FLT3: variants seen among roughly 807,000 people sequenced by gnomAD.
FLT3 encodes the protein receptor-type tyrosine-protein kinase FLT3.
In FLT3, 46 loss-of-function variants were observed where a neutral mutation model predicts 126.6. The observed-to-expected ratio is 0.36, with a 90% CI of 0.29 to 0.46. The LOEUF (loss-of-function observed/expected upper bound fraction) is 0.46, where lower values mean the gene tolerates loss of function less well. FLT3 is among the 20% of genes least tolerant of loss of function. FLT3 has a pLI of 1.00. For synonymous variants in FLT3, 404 were observed against 434.4 expected, an observed-to-expected ratio of 0.93 and a Z score of 0.87; for missense variants, 1,069 against 1,190.3, an observed-to-expected ratio of 0.90 and a Z score of 1.50.
At chr13:28,014,270 CAATAAATA>C (rs201189605) in intron 23 of FLT3, among the ~76,000 whole-genome samples, 174 bp downstream of exon 23, 15 of 151,958 alleles carry the variant, frequency 9.9e-5, no homozygotes, top group East Asian at 1.9e-4. Flanking sequence ...GACCCTGTCT[CAATAAATA>C]AATAAATAAA....
chr13:28,044,075 G>A (rs1384452122), intron 9 of FLT3, among the ~76,000 whole-genome samples: 1 of 151,376 alleles, frequency 6.6e-6, no homozygotes, highest in Non-Finnish European at 1.5e-5. Flanking sequence ...TCCGCCAGGA[G>A]GAGGAGGTTG....
chr13:28,076,726 G>A (rs765610775), intron 1 of FLT3, among the ~76,000 whole-genome samples: 2 of 152,108 alleles, frequency 1.3e-5, no homozygotes, highest in Admixed American at 6.6e-5. Flanking sequence ...CCAGGAATTC[G>A]AGACCAGCCT....
At chr13:28,098,580 C>G (rs1879624126) in intron 1 of FLT3, among the ~76,000 whole-genome samples, 1 of 152,144 alleles carries the variant, frequency 6.6e-6, no homozygotes, top group Non-Finnish European at 1.5e-5. Flanking sequence ...CAAACCTGAA[C>G]ATATCCCTTC....
chr13:28,045,080 T>C (rs929927890), intron 9 of FLT3, among the ~76,000 whole-genome samples: 2 of 152,172 alleles, frequency 1.3e-5, no homozygotes, highest in Non-Finnish European at 2.9e-5. Flanking sequence ...AATTCATTCA[T>C]TTGGCTACCT....
At chr13:28,016,148 T>C (rs573657787) in intron 20 of FLT3, among the ~76,000 whole-genome samples, 86 of 152,336 alleles carry the variant, frequency 5.6e-4, no homozygotes, top group Admixed American at 5.3e-3. Context: ...GATACCAGTC[T>C]GGCTTCTGTG....
At position 28,033,880 on chromosome 13, in the gene FLT3, A is replaced by G; in HGVS notation, c.1942+7T>C. ...ATCTTTGTTGCTGTCCTTCCACTAT[A>G]CTGTACCTTTCAGCATTTTGACGGC... On this transcript the variant is annotated splice_region_variant and intron_variant, in intron 15 of 23. Transcript: ENST00000241453. 1.2e-6 allele frequency: 2 copies of G among 1,607,832 alleles called. No homozygotes were observed. The highest frequency in any genetic ancestry group is 4.5e-5 in the East Asian group (2 of 44,850).
intron 23 of FLT3, among the ~76,000 whole-genome samples, chr13:28,005,547 A>G (rs187919274): frequency 3.3e-5 from 5 of 152,076 alleles, no homozygotes; most frequent in African/African-American, 1.2e-4. Flanking sequence ...TTTTCACGGC[A>G]GCCTAGAGTT....
rs1320536 is a variant in FLT3, at chr13:28,050,595, T to G, written c.615-373A>C. Among the ~76,000 whole-genome samples, 1,018 of 152,236 alleles carry G rather than the reference T, an allele frequency of 6.7e-3. 48 individuals are homozygous for G. The highest frequency in any genetic ancestry group is 0.064 in the Admixed American group (972 of 15,288). Reference sequence around the variant, plus strand: ...GAGAAAAAGCATGATTGGGCTTTCATGAAGTTTAGCAAGGTAAGCATCCTT... The same window carrying G: ...GAGAAAAAGCATGATTGGGCTTTCAGGAAGTTTAGCAAGGTAAGCATCCTT... On this transcript the variant is annotated intron_variant, in intron 5 of 23. Transcript: ENST00000241453.
intron 23 of FLT3, among the ~76,000 whole-genome samples, chr13:28,006,307 TGTG>T (rs1292241033): frequency 5.1e-5 from 1 of 19,692 alleles, no homozygotes; most frequent in Non-Finnish European, 1.0e-4. Context: ...TCTAGAAAAT[TGTG>T]TGTGTGTGTG....
intron 15 of FLT3, among the ~76,000 whole-genome samples, chr13:28,028,938 T>C (rs1003027150): frequency 1.3e-5 from 2 of 151,542 alleles, no homozygotes; most frequent in Non-Finnish European, 2.9e-5. Context: ...CAGGCCATCA[T>C]GCCCAGCTAA....
rs71086821 is a variant in FLT3, at chr13:28,060,240, C to CAA, written c.368+1625_368+1626dup. ...TGAAACCCTGTCTCTACTAAAAATA[C>CAA]AAAAAAAAAAAAAAAAATGAAAACA... On this transcript the variant is annotated intron_variant, in intron 3 of 23. Coordinates refer to ENST00000241453, the MANE Select transcript of FLT3 (RefSeq NM_004119.3). 1.9e-3 allele frequency among the ~76,000 whole-genome samples: 211 copies of CAA among 113,046 alleles called. 1 individual carries two copies. Among genetic ancestry groups the CAA allele is most frequent in the Middle Eastern group, 5.0e-3 (1 of 202 alleles). 74.2% of individuals were successfully genotyped at this position (113,046 alleles called of 152,430 possible).
intron 6 of FLT3, 65 bp from the exon 7 acceptor site, chr13:28,049,839 C>T (rs1875276559): frequency 6.6e-7 from 1 of 1,522,194 alleles, no homozygotes; most frequent in African/African-American, 1.4e-5. Flanking sequence ...CAAAAGATAT[C>T]CTGAACATTC....
intron 23 of FLT3, among the ~76,000 whole-genome samples, chr13:28,007,356 CTT>C (rs1481958250): frequency 6.6e-6 from 1 of 152,160 alleles, no homozygotes; most frequent in Non-Finnish European, 1.5e-5. Context: ...AAGTGATTCT[CTT>C]GTCTCAGCCT....
intron 9 of FLT3, among the ~76,000 whole-genome samples, chr13:28,044,840 C>T (rs1183639410): frequency 1.3e-5 from 2 of 152,204 alleles, no homozygotes; most frequent in East Asian, 1.9e-4. Flanking sequence ...GTCGACTCAT[C>T]TTTGGCCCAG....
At chr13:28,082,467 AT>A (rs1253831495) in intron 1 of FLT3, among the ~76,000 whole-genome samples, 2 of 150,640 alleles carry the variant, frequency 1.3e-5, no homozygotes, top group East Asian at 4.0e-4. Context: ...CTAGTCTTTT[AT>A]TTTTTGTTTT....
At chr13:28,088,584 C>CTTTTTTT (rs34680883) in intron 1 of FLT3, among the ~76,000 whole-genome samples, 2 of 103,358 alleles carry the variant, frequency 1.9e-5, no homozygotes, top group Non-Finnish European at 3.6e-5. Flanking sequence ...CATCCAAAAC[C>CTTTTTTT]TTTTTTTTTT....
Position 28,096,245 on chromosome 13 carries a change from T to A in FLT3, c.43+4223A>T, listed in dbSNP as rs562704154. Among the ~76,000 whole-genome samples, 17 of 151,974 alleles carry A rather than the reference T, an allele frequency of 1.1e-4. No homozygotes were observed. In the South Asian group the frequency reaches 3.5e-3, roughly 32 times the overall value. The stretch of plus-strand genomic sequence containing the variant: ...TGGTGCATGCCTGTAGTCCCACAAC[T>A]CAGGAGGTTGAGGTAGGAGGCTTGC... On this transcript the variant is annotated intron_variant, in intron 1 of 23. Coordinates refer to ENST00000241453, the MANE Select transcript of FLT3 (RefSeq NM_004119.3).
At chr13:28,038,861 A>C (rs1270111557) in intron 9 of FLT3, among the ~76,000 whole-genome samples, 1 of 152,128 alleles carries the variant, frequency 6.6e-6, no homozygotes, top group Non-Finnish European at 1.5e-5. Flanking sequence ...CAAAAGACCT[A>C]AAAAGTAGGT....
Position 28,023,419 on chromosome 13 carries a change from A to G in FLT3, c.2349T>C (p.Leu783=). The change falls in exon 19 of 24, where the codon CTT becomes CTC. Residue 783 remains leucine (L), a synonymous_variant. Coordinates refer to ENST00000241453, the MANE Select transcript of FLT3 (RefSeq NM_004119.3). ...CAAAGCAAAGAAGATCTTCAAATGT[A>G]AGCACATTCAAGTCCTCCTCTTCTT... ...RLEEEEDLNV[L]TFEDLLCFAY... 1 of 1,613,738 alleles carries G rather than the reference A, an allele frequency of 6.2e-7. No homozygotes were observed. Among genetic ancestry groups the G allele is most frequent in the South Asian group, 1.1e-5 (1 of 91,060 alleles).
Sources: allele counts gnomAD v4.1 joint callset (sites outside exome capture counted in the v4.1 genomes callset), GRCh38; gene constraint gnomAD v4.1.1; transcripts MANE v1.5; gene names NCBI Gene and HGNC (gene_info 2026-07-23, HGNC 2026-07-21).